The following RELCH variants were observed in gnomAD, a reference collection of about 807,000 sequenced individuals.
RELCH encodes the protein RAB11-binding protein RELCH.
RELCH carries 41 observed loss-of-function variants against 150.3 expected under a neutral mutation model. That is an observed-to-expected ratio of 0.27 (90% confidence interval 0.21 to 0.35). The LOEUF (loss-of-function observed/expected upper bound fraction) is 0.35. Among genes scored for constraint, RELCH ranks in the 10% least tolerant of loss-of-function variants. RELCH has a pLI of 1.00. For missense variants in RELCH, 1,092 were observed against 1,467.8 expected (o/e 0.74, Z 4.18); for synonymous variants, 478 against 531.8 (o/e 0.90, Z 1.39).
At chr18:62,287,137 T>C (rs1169924179) in intron 25 of RELCH, among the ~76,000 whole-genome samples, 1 of 152,176 alleles carries the variant, frequency 6.6e-6, no homozygotes, top group African/African-American at 2.4e-5. Context: ...TACTAAAATT[T>C]GTTTCCCCCA....
intron 11 of RELCH, among the ~76,000 whole-genome samples, chr18:62,247,592 G>T (rs1463195739): frequency 6.6e-6 from 1 of 150,686 alleles, no homozygotes; most frequent in African/African-American, 2.4e-5. Flanking sequence ...CTCCCAGGCT[G>T]GAGTGCAGAG....
chr18:62,293,357 T>C lies in RELCH; in HGVS notation c.3459+1726T>C, dbSNP rs1365694707. Among the ~76,000 whole-genome samples the C allele has an allele frequency of 2.0e-5, 3 of 152,136 alleles. No homozygotes were observed. In the East Asian group the frequency reaches 5.8e-4, roughly 29 times the overall value. On this transcript the variant is annotated intron_variant, in intron 27 of 28. Coordinates refer to ENST00000644646, the MANE Select transcript of RELCH (RefSeq NM_001346231.2). ...ATAAGGCAGAACACTCAGGCAGGAA[T>C]TGATGTTTCAGGCTTCAGTCCAAAA...
At chr18:62,235,336 A>G (rs954611175) in intron 10 of RELCH, 8 of 151,998 alleles carry the variant, frequency 5.3e-5, no homozygotes, top group African/African-American at 1.4e-4. Context: ...ATGTCTAGCC[A>G]TATGCCACTA....
chr18:62,228,330 C>T lies in RELCH; in HGVS notation c.1180C>T (p.His394Tyr), dbSNP rs2041342453. 1 of 1,611,654 alleles carries T rather than the reference C, an allele frequency of 6.2e-7. No individual in the cohort carries two copies. The highest frequency in any genetic ancestry group is 8.5e-7 in the Non-Finnish European group (1 of 1,178,940). ...KSEMDFLKNE[H>Y]FAIPAVCDSV... ...TGAAATGGACTTCCTCAAAAATGAACACTTTGCCATCCCAGCAGTTTGTGA... is the reference window on the plus strand; with the variant it reads ...TGAAATGGACTTCCTCAAAAATGAATACTTTGCCATCCCAGCAGTTTGTGA... Residue 394 changes from histidine to tyrosine, a missense_variant, in exon 8 of 29, where the codon CAC becomes TAC. Coordinates refer to ENST00000644646, the MANE Select transcript of RELCH (RefSeq NM_001346231.2).
intron 10 of RELCH, among the ~76,000 whole-genome samples, chr18:62,233,627 C>A (rs1301635432): frequency 6.6e-6 from 1 of 151,898 alleles, no homozygotes; most frequent in Non-Finnish European, 1.5e-5. Context: ...GGATCAGTGT[C>A]CAATTTCAGA....
intron 5 of RELCH, among the ~76,000 whole-genome samples, chr18:62,222,286 CTAGT>C (rs34094969): frequency 0.012 from 1,779 of 151,970 alleles, 27 homozygotes; most frequent in East Asian, 0.052. Flanking sequence ...CAATAAGTAT[CTAGT>C]TATTTTTTAT....
intron 1 of RELCH, among the ~76,000 whole-genome samples, chr18:62,190,990 G>A (rs2038591553): frequency 6.6e-6 from 1 of 152,058 alleles, no homozygotes; most frequent in Non-Finnish European, 1.5e-5. Flanking sequence ...GTATTTTTTT[G>A]TGTATCTGCC....
At chr18:62,196,843 A>G (rs1250757792) in intron 1 of RELCH, among the ~76,000 whole-genome samples, 1 of 152,224 alleles carries the variant, frequency 6.6e-6, no homozygotes, top group Non-Finnish European at 1.5e-5. Context: ...ATGGAGAGGT[A>G]AGACTAACAC....
In RELCH at chr18:62,287,356, A is replaced by G. The variant is rs1476242607; in HGVS notation, c.3259A>G (p.Ile1087Val). The change falls in exon 26 of 29, where the codon ATA (isoleucine) becomes GTA (valine). Residue 1087 changes from isoleucine to valine, a missense_variant. Transcript: ENST00000644646. Reference sequence around the variant, plus strand: ...CCTTTTTTTTCTGTTTTCAGTTGTTATACCACATTTGCATAAGTTAGCCTT... The same window carrying G: ...CCTTTTTTTTCTGTTTTCAGTTGTTGTACCACATTTGCATAAGTTAGCCTT... Reference protein sequence around the residue: ...AEPRFRDEFVIPHLHKLALVN... With the variant: ...AEPRFRDEFVVPHLHKLALVN... 5 of 1,563,138 alleles carry G rather than the reference A, an allele frequency of 3.2e-6. No individual in the cohort carries two copies. Among genetic ancestry groups the G allele is most frequent in the Non-Finnish European group, 4.4e-6 (5 of 1,135,048 alleles).
chr18:62,255,335 A>G, intron 12 of RELCH, 72 bp from the exon 13 acceptor site: 1 of 1,006,812 alleles, frequency 9.9e-7, no homozygotes, highest in South Asian at 1.3e-5. Context: ...ATTTGTGGTG[A>G]AATGTAATTC....
At chr18:62,220,635 A>AT (rs2040807898) in intron 2 of RELCH, among the ~76,000 whole-genome samples, 1 of 151,900 alleles carries the variant, frequency 6.6e-6, no homozygotes, top group Non-Finnish European at 1.5e-5. Flanking sequence ...GCTTCATCTA[A>AT]TTTTTACCTT....
chr18:62,292,088 C>G (rs2045173420), intron 27 of RELCH, among the ~76,000 whole-genome samples: 1 of 151,964 alleles, frequency 6.6e-6, no homozygotes, highest in South Asian at 2.1e-4. Flanking sequence ...TCAGCTTTTC[C>G]TTTTACGATG....
chr18:62,281,326 A>G (rs2044504845), intron 24 of RELCH, among the ~76,000 whole-genome samples: 2 of 152,226 alleles, frequency 1.3e-5, no homozygotes, highest in South Asian at 4.1e-4. Context: ...ACACAAATGT[A>G]TCTCAGTTAT....
At chr18:62,297,008 G>A (rs1295304726) in intron 27 of RELCH, among the ~76,000 whole-genome samples, 1 of 152,168 alleles carries the variant, frequency 6.6e-6, no homozygotes, top group East Asian at 1.9e-4. Flanking sequence ...CTGTTTCACC[G>A]CAAATTTCCC....
intron 2 of RELCH, among the ~76,000 whole-genome samples, chr18:62,214,685 A>G (rs531033233): frequency 2.2e-4 from 34 of 152,258 alleles, no homozygotes; most frequent in Admixed American, 2.1e-3. Context: ...CTGCATGTCT[A>G]CAGAGTCAGC....
At chr18:62,188,719 A>C (rs1038716318) in intron 1 of RELCH, among the ~76,000 whole-genome samples, 3 of 152,172 alleles carry the variant, frequency 2.0e-5, no homozygotes, top group African/African-American at 7.2e-5. Flanking sequence ...TTTGCATTAG[A>C]TAGGAATTGA....
chr18:62,223,902 TAGAG>T (rs1371151855), intron 5 of RELCH, among the ~76,000 whole-genome samples: 2 of 152,142 alleles, frequency 1.3e-5, no homozygotes, highest in Admixed American at 6.6e-5. Context: ...AAATTAGAAA[TAGAG>T]AGTCATTTCC....
At chr18:62,200,964 CTTTTTTTTTTTTTTTT>C (rs543882947) in intron 1 of RELCH, among the ~76,000 whole-genome samples, 1 of 54,988 alleles carries the variant, frequency 1.8e-5, no homozygotes, top group Non-Finnish European at 3.1e-5. Flanking sequence ...TTTTTCTTTG[CTTTTTTTTTTTTTTTT>C]TTTTTTTTTT....
At chr18:62,300,311 G>C (rs770700189) in intron 28 of RELCH, 1 of 152,114 alleles carries the variant, frequency 6.6e-6, no homozygotes, top group Non-Finnish European at 1.5e-5. Flanking sequence ...ATATGATTCC[G>C]TCTGCCAGGA....
Sources: allele counts gnomAD v4.1 joint callset (sites outside exome capture counted in the v4.1 genomes callset), GRCh38; gene constraint gnomAD v4.1.1; transcripts MANE v1.5; gene names NCBI Gene and HGNC (gene_info 2026-07-23, HGNC 2026-07-21).